The following CACNG2 variants were observed in gnomAD, a reference collection of about 807,000 sequenced individuals.
The protein encoded by CACNG2 is calcium voltage-gated channel auxiliary subunit gamma 2.
CACNG2 carries 3 observed loss-of-function variants against 25.9 expected under a neutral mutation model. The observed-to-expected ratio is 0.12, with a 90% CI of 0.05 to 0.30. The LOEUF (loss-of-function observed/expected upper bound fraction) is 0.30, where lower values mean the gene tolerates loss of function less well. Ranked by LOEUF, CACNG2 falls within the 10% of genes least tolerant of loss-of-function variation. CACNG2 has a pLI of 1.00. For synonymous variants in CACNG2, 167 were observed against 173.3 expected, an observed-to-expected ratio of 0.96 and a Z score of 0.29; for missense variants, 341 against 432.5, an observed-to-expected ratio of 0.79 and a Z score of 1.88.
chr22:36,639,439 G>T (rs573729981), intron 1 of CACNG2, among the ~76,000 whole-genome samples: 1 of 152,266 alleles, frequency 6.6e-6, no homozygotes, highest in Admixed American at 6.5e-5. Context: ...TGAGAGCAAA[G>T]AGGGACTTAT....
intron 1 of CACNG2, among the ~76,000 whole-genome samples, chr22:36,679,192 TCC>T (rs1261387667): frequency 0.029 from 2,166 of 75,016 alleles, 17 homozygotes; most frequent in Admixed American, 0.051. Context: ...CTTCCTTCCT[TCC>T]TTCCTTTCTT....
At position 36,564,891 on chromosome 22, in the gene CACNG2, G is replaced by C. The variant is rs764458809; in HGVS notation, c.437-5C>G. The C allele has an allele frequency of 1.2e-6, 2 of 1,611,008 alleles. No homozygotes were observed. Among genetic ancestry groups the C allele is most frequent in the South Asian group, 2.2e-5 (2 of 91,072 alleles). On this transcript the variant is annotated splice_polypyrimidine_tract_variant and splice_region_variant and intron_variant, in intron 3 of 3. Coordinates refer to ENST00000300105, the MANE Select transcript of CACNG2 (RefSeq NM_006078.5). This position sits in a 1 kb window ranked among gnomAD's most constrained non-coding sequence, Gnocchi z 6.7. ...TGCCAATGATGTTACTCAGACCTGC[G>C]GGGCGCAGGGTGGCGGGGTGGGGGA...
chr22:36,597,888 T>G (rs1220656508), intron 1 of CACNG2, among the ~76,000 whole-genome samples: 2 of 152,244 alleles, frequency 1.3e-5, no homozygotes. Flanking sequence ...ACCTTTTAGC[T>G]GCTTTGGTCA....
chr22:36,590,291 C>T (rs1935569388), intron 1 of CACNG2, among the ~76,000 whole-genome samples: 1 of 152,170 alleles, frequency 6.6e-6, no homozygotes, highest in African/African-American at 2.4e-5. Context: ...ATCAGTGGCC[C>T]AGACCTCTCC....
At chr22:36,569,973 C>T (rs1489778830) in intron 2 of CACNG2, among the ~76,000 whole-genome samples, 1 of 152,222 alleles carries the variant, frequency 6.6e-6, no homozygotes, top group Non-Finnish European at 1.5e-5. Flanking sequence ...AGCAGCAGCT[C>T]AGAGGAACAG....
intron 1 of CACNG2, among the ~76,000 whole-genome samples, chr22:36,656,187 T>C (rs754714204): frequency 5.3e-5 from 8 of 152,188 alleles, no homozygotes; most frequent in Admixed American, 6.5e-5. Context: ...TGGAACAATC[T>C]AATAAATAGA....
At chr22:36,578,846 G>T (rs141486896) in intron 2 of CACNG2, among the ~76,000 whole-genome samples, 4,036 of 152,242 alleles carry the variant, frequency 0.027, 75 homozygotes, top group Middle Eastern at 0.062. Flanking sequence ...TGCTGGAGGG[G>T]GTGGATGGGT....
At chr22:36,697,388 C>T (rs4141439) in intron 1 of CACNG2, among the ~76,000 whole-genome samples, 94,212 of 152,056 alleles carry the variant, frequency 0.62, 32,664 homozygotes, top group Non-Finnish European at 0.78. Context: ...TGGATATAAG[C>T]GGGAGGCCAC....
At position 36,569,586 on chromosome 22, in the gene CACNG2, C is replaced by G. The variant is rs536820754; in HGVS notation, c.296-3093G>C. On this transcript the variant is annotated intron_variant, in intron 2 of 3. Transcript: ENST00000300105. ...ACAGAGTCTTGCTCTATACCCCAGG[C>G]TGGAGTGCAGTGGCGTGATCTTGAC... Among the ~76,000 whole-genome samples, 7 of 152,356 alleles carry G rather than the reference C, an allele frequency of 4.6e-5. No homozygotes were observed. The South Asian group carries it at 1.4e-3, about 32-fold the overall frequency.
intron 1 of CACNG2, among the ~76,000 whole-genome samples, chr22:36,621,899 G>A (rs920530132): frequency 3.3e-5 from 5 of 152,192 alleles, no homozygotes; most frequent in African/African-American, 9.7e-5. Flanking sequence ...GTAGGTTTGC[G>A]AGACAAACCA....
At chr22:36,682,127 G>A (rs944315077) in intron 1 of CACNG2, among the ~76,000 whole-genome samples, 2 of 152,236 alleles carry the variant, frequency 1.3e-5, no homozygotes, top group Non-Finnish European at 2.9e-5. Flanking sequence ...CTACGAGACA[G>A]CTCATTTCTA....
At chr22:36,675,468 C>T (rs150083948) in intron 1 of CACNG2, among the ~76,000 whole-genome samples, 28 of 152,298 alleles carry the variant, frequency 1.8e-4, no homozygotes, top group African/African-American at 6.5e-4. Context: ...GAGTGGATTC[C>T]ATCCTGCAAT....
intron 1 of CACNG2, among the ~76,000 whole-genome samples, chr22:36,626,541 T>A (rs957018733): frequency 2.6e-5 from 4 of 152,164 alleles, no homozygotes; most frequent in Non-Finnish European, 4.4e-5. Flanking sequence ...ACTGTCAGGG[T>A]TTCATTGGTC....
chr22:36,604,280 G>C (rs1222175213), intron 1 of CACNG2, among the ~76,000 whole-genome samples: 1 of 152,188 alleles, frequency 6.6e-6, no homozygotes, highest in Non-Finnish European at 1.5e-5. Context: ...ATGAGAGGTG[G>C]CTTTTTATGG....
At chr22:36,695,484 A>T (rs903556318) in intron 1 of CACNG2, among the ~76,000 whole-genome samples, 1 of 16,160 alleles carries the variant, frequency 6.2e-5, no homozygotes, top group African/African-American at 2.5e-4. Flanking sequence ...CCACCCTGCC[A>T]CTCCCCCACC....
rs1327886459 is a variant in CACNG2, at chr22:36,563,160, T to G, written c.*1191A>C. On this transcript the variant is annotated 3_prime_UTR_variant, in exon 4 of 4. Coordinates refer to ENST00000300105, the MANE Select transcript of CACNG2 (RefSeq NM_006078.5). The stretch of plus-strand genomic sequence containing the variant: ...TCACCACTTGTTTTTCCTTTTTCTT[T>G]TGTAAAAAGAAGCCTTTTTGCAGTG... Among the ~76,000 whole-genome samples the G allele has an allele frequency of 1.3e-5, 2 of 152,232 alleles. No homozygotes were observed. The highest frequency in any genetic ancestry group is 4.8e-5 in the African/African-American group (2 of 41,466).
At chr22:36,688,404 GT>G (rs1457184427) in intron 1 of CACNG2, among the ~76,000 whole-genome samples, 1 of 151,950 alleles carries the variant, frequency 6.6e-6, no homozygotes, top group Non-Finnish European at 1.5e-5. Flanking sequence ...GCTCAGTGTG[GT>G]AGTGCACACT....
intron 1 of CACNG2, among the ~76,000 whole-genome samples, chr22:36,641,133 CT>C (rs1275430021): frequency 6.6e-6 from 1 of 152,194 alleles, no homozygotes; most frequent in Admixed American, 6.5e-5. Flanking sequence ...TACAGCATCC[CT>C]TTCTGTCACT....
intron 1 of CACNG2, among the ~76,000 whole-genome samples, chr22:36,623,214 T>C (rs530752863): frequency 6.1e-4 from 92 of 151,652 alleles, no homozygotes; most frequent in African/African-American, 2.2e-3. Flanking sequence ...AGAGATGGGG[T>C]TTCACCATGT....
Sources: gnomAD v4.1 joint callset for allele counts (sites outside exome capture counted in the v4.1 genomes callset) on GRCh38, gnomAD v4.1.1 for gene constraint, Gnocchi (gnomAD v3.1) non-coding constraint, MANE v1.5 for transcripts, NCBI Gene and HGNC (gene_info 2026-07-23, HGNC 2026-07-21) for gene names.